The following EXOC4 variants were observed in gnomAD, a reference collection of about 807,000 sequenced individuals.
The protein encoded by EXOC4 is SEC8-like 1.
A neutral mutation model predicts 107.2 loss-of-function variants in EXOC4; 71 were observed. That is an observed-to-expected ratio of 0.66 (90% CI 0.55 to 0.81). The LOEUF (loss-of-function observed/expected upper bound fraction) is 0.81, where lower values mean the gene tolerates loss of function less well. Ranked by LOEUF, EXOC4 falls within the 30% of genes least tolerant of loss-of-function variation. The pLI is 0.00. For synonymous variants in EXOC4, 456 were observed against 441.2 expected (o/e 1.03, Z -0.42); for missense variants, 1,108 against 1,189.6 (o/e 0.93, Z 1.01).
At chr7:133,445,156 C>A (rs537034948) in intron 7 of EXOC4, among the ~76,000 whole-genome samples, 1 of 152,188 alleles carries the variant, frequency 6.6e-6, no homozygotes, top group Admixed American at 6.5e-5. Flanking sequence ...AGCTTCTATC[C>A]TGACAAATTG....
intron 1 of EXOC4, among the ~76,000 whole-genome samples, chr7:133,269,497 A>G (rs755766614): frequency 2.6e-5 from 4 of 152,212 alleles, no homozygotes; most frequent in Non-Finnish European, 4.4e-5. Context: ...ATGCAAAATA[A>G]CCACTGTATT....
intron 5 of EXOC4, among the ~76,000 whole-genome samples, chr7:133,336,135 A>T (rs1259660294): frequency 6.6e-6 from 1 of 152,108 alleles, no homozygotes; most frequent in Middle Eastern, 3.2e-3. Flanking sequence ...CTTCCATTTC[A>T]TAGGTTGCCT....
At chr7:133,552,994 G>A (rs916036552) in intron 9 of EXOC4, among the ~76,000 whole-genome samples, 1 of 152,030 alleles carries the variant, frequency 6.6e-6, no homozygotes, top group Non-Finnish European at 1.5e-5. Flanking sequence ...TATAATTGAA[G>A]GATCATTGAC....
At chr7:133,899,971 G>A (rs1039503133) in intron 12 of EXOC4, among the ~76,000 whole-genome samples, 3 of 151,816 alleles carry the variant, frequency 2.0e-5, no homozygotes, top group Admixed American at 6.6e-5. Flanking sequence ...GGTCTCGATC[G>A]AATTCCTGGC....
At chr7:133,330,647 G>A (rs1333421951) in intron 5 of EXOC4, among the ~76,000 whole-genome samples, 1 of 150,252 alleles carries the variant, frequency 6.7e-6, no homozygotes, top group East Asian at 2.0e-4. Context: ...TCACGGCACG[G>A]CACAGTCCCT....
intron 9 of EXOC4, among the ~76,000 whole-genome samples, chr7:133,542,480 G>T (rs1475846809): frequency 1.3e-5 from 2 of 152,150 alleles, no homozygotes; most frequent in Non-Finnish European, 2.9e-5. Context: ...GGTCAGATAA[G>T]TTACTTTTGG....
the EXOC4 span, among the ~76,000 whole-genome samples, chr7:134,087,613 G>A: frequency 5.9e-5 from 9 of 152,138 alleles, no homozygotes; most frequent in Non-Finnish European, 1.2e-4. Flanking sequence ...ATTTCAATAT[G>A]TGCCCAGAAT....
chr7:133,539,971 A>G (rs143925917), intron 9 of EXOC4, among the ~76,000 whole-genome samples: 19 of 152,226 alleles, frequency 1.2e-4, no homozygotes, highest in African/African-American at 4.1e-4. Context: ...AAATCTCACA[A>G]TCCCTTCTTG....
At chr7:133,384,888 T>G (rs1796694599) in intron 7 of EXOC4, among the ~76,000 whole-genome samples, 1 of 152,064 alleles carries the variant, frequency 6.6e-6, no homozygotes, top group South Asian at 2.1e-4. Context: ...TTCTCATAGT[T>G]TTGTGAGTCA....
intron 10 of EXOC4, among the ~76,000 whole-genome samples, chr7:133,638,186 A>T (rs1802760346): frequency 1.3e-5 from 2 of 152,170 alleles, no homozygotes; most frequent in African/African-American, 4.8e-5. Context: ...AGTTGGTTGT[A>T]TGTTTAGAGA....
At chr7:133,798,849 G>C (rs1796871448) in intron 10 of EXOC4, among the ~76,000 whole-genome samples, 1 of 152,170 alleles carries the variant, frequency 6.6e-6, no homozygotes, top group Admixed American at 6.5e-5. Context: ...TGAAAATATA[G>C]TTGGGGAGAG....
chr7:133,640,667 G>A (rs933669290), intron 10 of EXOC4, among the ~76,000 whole-genome samples: 1 of 152,182 alleles, frequency 6.6e-6, no homozygotes, highest in African/African-American at 2.4e-5. Context: ...GTTTCCTACA[G>A]CTTTGGTAGT....
intron 5 of EXOC4, among the ~76,000 whole-genome samples, chr7:133,333,721 A>T (rs1268534576): frequency 6.6e-6 from 1 of 152,190 alleles, no homozygotes; most frequent in Non-Finnish European, 1.5e-5. Flanking sequence ...ATATGAGTAA[A>T]ACATGAGTTC....
chr7:133,434,045 A>G (rs2150779772), intron 7 of EXOC4, among the ~76,000 whole-genome samples: 1 of 152,342 alleles, frequency 6.6e-6, no homozygotes, highest in Admixed American at 6.5e-5. Context: ...AGAAATAAAC[A>G]TGTAAAGGAA....
intron 17 of EXOC4, among the ~76,000 whole-genome samples, chr7:134,035,308 G>A (rs1474670657): frequency 6.6e-6 from 1 of 152,102 alleles, no homozygotes; most frequent in East Asian, 1.9e-4. Context: ...GCCTCCCAAA[G>A]TGCTGGGATT....
At chr7:133,796,171 A>G (rs1032693732) in intron 10 of EXOC4, among the ~76,000 whole-genome samples, 1 of 152,204 alleles carries the variant, frequency 6.6e-6, no homozygotes, top group Admixed American at 6.5e-5. Context: ...TCCATAGGCA[A>G]CTTCTTTTAG....
chr7:133,576,930 C>G (rs1426191874), intron 9 of EXOC4: 3 of 1,195,706 alleles, frequency 2.5e-6, no homozygotes, highest in Non-Finnish European at 3.3e-6. Flanking sequence ...ATCTCTTATT[C>G]ACTGCATGTG....
chr7:133,621,032 A>G (rs1306481368), intron 9 of EXOC4, among the ~76,000 whole-genome samples: 1 of 152,186 alleles, frequency 6.6e-6, no homozygotes, highest in African/African-American at 2.4e-5. Flanking sequence ...TGCTCTTCCT[A>G]GAACATGCCA....
chr7:133,476,449 C>A (rs751440853), intron 8 of EXOC4, among the ~76,000 whole-genome samples: 6 of 152,104 alleles, frequency 3.9e-5, no homozygotes, highest in African/African-American at 9.7e-5. Flanking sequence ...TGTAAAGTGA[C>A]CACCACTGAA....
Sources: allele counts gnomAD v4.1 joint callset (sites outside exome capture counted in the v4.1 genomes callset), GRCh38; gene constraint gnomAD v4.1.1; transcripts MANE v1.5; gene names NCBI Gene and HGNC (gene_info 2026-07-23, HGNC 2026-07-21).